The following XRCC5 variants were observed in gnomAD, a reference collection of about 807,000 sequenced individuals.
XRCC5 encodes X-ray repair cross complementing 5.
Under a neutral mutation model 95.7 loss-of-function variants are expected in XRCC5, and 12 were observed. That is an observed-to-expected ratio of 0.13 (90% CI 0.08 to 0.20). The LOEUF is 0.20. XRCC5 is among the 10% of genes least tolerant of loss of function. XRCC5 has a pLI of 1.00. For synonymous variants in XRCC5, 281 were observed against 290.3 expected, an observed-to-expected ratio of 0.97 and a Z score of 0.33; for missense variants, 595 against 873.9, an observed-to-expected ratio of 0.68 and a Z score of 4.02.
intron 3 of XRCC5, 192 bp downstream of exon 3, chr2:216,117,034 GCCCT>G: frequency 4.8e-6 from 3 of 624,792 alleles, no homozygotes; most frequent in Non-Finnish European, 5.5e-6. Flanking sequence ...TGGGCTCCCA[GCCCT>G]CCACTCACTT....
At chr2:216,175,779 A>G in intron 16 of XRCC5, 5 of 447,358 alleles carry the variant, frequency 1.1e-5, no homozygotes, top group South Asian at 8.9e-5. Context: ...AACACAAGAG[A>G]AAGCCATAAA....
intron 10 of XRCC5, among the ~76,000 whole-genome samples, chr2:216,135,095 T>TTTTG (rs140993520): frequency 6.6e-6 from 1 of 151,228 alleles, no homozygotes; most frequent in African/African-American, 2.4e-5. Flanking sequence ...GTCATAGTTT[T>TTTTG]TTTGTTTGTT....
chr2:216,204,276 G>A (rs1461261281), intron 19 of XRCC5, 46 bp from the exon 20 acceptor site: 1 of 1,610,268 alleles, frequency 6.2e-7, no homozygotes, highest in African/African-American at 1.3e-5. Flanking sequence ...TCTTTCAAAG[G>A]GGCAAAAATA....
At chr2:216,191,121 G>A (rs938844746) in intron 17 of XRCC5, among the ~76,000 whole-genome samples, 1 of 152,150 alleles carries the variant, frequency 6.6e-6, no homozygotes, top group African/African-American at 2.4e-5. Flanking sequence ...TTAGATAAAA[G>A]ACAAATTTTA....
chr2:216,192,453 A>G (rs41302532), intron 17 of XRCC5, among the ~76,000 whole-genome samples, 186 bp from the exon 18 acceptor site: 1,890 of 152,340 alleles, frequency 0.012, 39 homozygotes, highest in African/African-American at 0.043. Flanking sequence ...CACAGATGGA[A>G]GGATTTCTGG....
At chr2:216,169,412 C>G (rs1324647341) in intron 16 of XRCC5, among the ~76,000 whole-genome samples, 1 of 152,186 alleles carries the variant, frequency 6.6e-6, no homozygotes, top group Non-Finnish European at 1.5e-5. Flanking sequence ...GTCTTCTTAT[C>G]AGGAGAAAGT....
At chr2:216,202,713 AG>A (rs41296801) in intron 19 of XRCC5, among the ~76,000 whole-genome samples, 2,616 of 152,376 alleles carry the variant, frequency 0.017, 51 homozygotes, top group South Asian at 0.073. Flanking sequence ...TTATTCGCTC[AG>A]TCATAAAAGA....
intron 19 of XRCC5, among the ~76,000 whole-genome samples, chr2:216,199,410 A>T (rs971291494): frequency 2.6e-5 from 4 of 152,236 alleles, no homozygotes; most frequent in African/African-American, 9.6e-5. Context: ...CTACAGAAAT[A>T]GAAAGTTTTT....
chr2:216,174,946 C>G, intron 16 of XRCC5: 1 of 328,044 alleles, frequency 3.0e-6, no homozygotes, highest in South Asian at 3.1e-5. Context: ...TCCGTAACCA[C>G]CACCACCACA....
chr2:216,196,280 G>A (rs1328510530), intron 19 of XRCC5, among the ~76,000 whole-genome samples: 1 of 151,622 alleles, frequency 6.6e-6, no homozygotes, highest in African/African-American at 2.4e-5. Context: ...AATTTTTGAA[G>A]CATACTGTAA....
At chr2:216,204,260 G>A in intron 19 of XRCC5, 62 bp from the exon 20 acceptor site, 1 of 1,594,012 alleles carries the variant, frequency 6.3e-7, no homozygotes, top group South Asian at 1.1e-5. Context: ...CTAGCAGATT[G>A]TTCCCTCTTT....
chr2:216,161,158 GATTTAGATTTC>G (rs1688945018), intron 15 of XRCC5, among the ~76,000 whole-genome samples: 1 of 152,136 alleles, frequency 6.6e-6, no homozygotes, highest in South Asian at 2.1e-4. Flanking sequence ...TGTGAAAAAT[GATTTAGATTTC>G]ATTTAGATGT....
intron 13 of XRCC5, among the ~76,000 whole-genome samples, chr2:216,141,535 C>CTTTTCT (rs1697169043): frequency 1.8e-5 from 1 of 54,236 alleles, no homozygotes; most frequent in African/African-American, 7.6e-5. Context: ...TGCTTTCTTT[C>CTTTTCT]TTTTCTTTTT....
chr2:216,141,540 C>CTTTTTTTTT lies in XRCC5; in HGVS notation c.1476+239_1476+247dup, dbSNP rs71401137. On this transcript the variant is annotated intron_variant, in intron 13 of 20. Transcript: ENST00000392132. The stretch of plus-strand genomic sequence containing the variant: ...AAAGTTGGAATGCTTTCTTTCTTTT[C>CTTTTTTTTT]TTTTTTTTTTTTTTTTTTTTTTTTT... Among the ~76,000 whole-genome samples the CTTTTTTTTT allele has an allele frequency of 4.2e-3, 272 of 64,890 alleles. 24 individuals are homozygous for CTTTTTTTTT. The highest frequency in any genetic ancestry group is 9.5e-3 in the East Asian group (19 of 2,000). The allele number at this position is 64,890 out of a possible 152,430, so 42.6% of individuals were successfully genotyped here.
chr2:216,160,352 G>C (rs1688928558), intron 15 of XRCC5, among the ~76,000 whole-genome samples, 191 bp downstream of exon 15: 2 of 152,114 alleles, frequency 1.3e-5, no homozygotes, highest in African/African-American at 4.8e-5. Flanking sequence ...ATCATGAATT[G>C]CCTACAGAAT....
In XRCC5 at chr2:216,119,275, A is replaced by G; in HGVS notation, c.491+110A>G. 4 of 1,196,960 alleles carry G rather than the reference A, an allele frequency of 3.3e-6. 1 individual carries two copies. In the South Asian group the frequency reaches 4.5e-5, roughly 13 times the overall value. 74.1% of individuals were successfully genotyped at this position (1,196,960 alleles called of 1,614,324 possible). On this transcript the variant is annotated intron_variant, in intron 5 of 20. Coordinates refer to ENST00000392132, the MANE Select transcript of XRCC5 (RefSeq NM_021141.4). ...TATGGGAATTTTCGCTTTCTGCTCC[A>G]AGGCTGAATCTGTCAGATGACTGAC...
At chr2:216,153,113 C>T (rs1420105662) in intron 14 of XRCC5, among the ~76,000 whole-genome samples, 1 of 152,194 alleles carries the variant, frequency 6.6e-6, no homozygotes, top group African/African-American at 2.4e-5. Flanking sequence ...CAACCTTTCT[C>T]AGCTCTCATT....
chr2:216,198,409 T>G (rs1458444706), intron 19 of XRCC5, among the ~76,000 whole-genome samples: 2 of 152,176 alleles, frequency 1.3e-5, no homozygotes, highest in Non-Finnish European at 2.9e-5. Context: ...TAGTGGTGAG[T>G]ACCCCCACCT....
intron 16 of XRCC5, among the ~76,000 whole-genome samples, chr2:216,162,404 T>G (rs891230413): frequency 7.9e-6 from 1 of 127,050 alleles, no homozygotes; most frequent in African/African-American, 2.7e-5. Flanking sequence ...CTTCCTTTTT[T>G]TTCTTTTTTT....
Sources: gnomAD v4.1 joint callset for allele counts (sites outside exome capture counted in the v4.1 genomes callset) on GRCh38, gnomAD v4.1.1 for gene constraint, MANE v1.5 for transcripts, NCBI Gene and HGNC (gene_info 2026-07-23, HGNC 2026-07-21) for gene names.